The following EML6 variants were observed in gnomAD, a reference collection of about 807,000 sequenced individuals.
EML6 encodes the protein EMAP like 6.
A neutral mutation model predicts 240.1 loss-of-function variants in EML6; 154 were observed. That is an observed-to-expected ratio of 0.64 (90% confidence interval 0.56 to 0.73). EML6 has a LOEUF of 0.73. EML6 is among the 30% of genes least tolerant of loss of function. The pLI, the probability that EML6 is intolerant of heterozygous loss-of-function variation, is 0.00. For missense variants in EML6, 2,964 were observed against 2,474.6 expected, an observed-to-expected ratio of 1.20 and a Z score of -4.20; for synonymous variants, 1,148 against 899.0, an observed-to-expected ratio of 1.28 and a Z score of -4.95.
chr2:54,805,947 T>C (rs894968563), intron 2 of EML6, among the ~76,000 whole-genome samples: 1 of 152,184 alleles, frequency 6.6e-6, no homozygotes. Context: ...TTGCTGGAAA[T>C]GAGTTGATCA....
At chr2:54,953,859 C>T in intron 31 of EML6, 124 bp from the exon 32 acceptor site, 1 of 780,612 alleles carries the variant, frequency 1.3e-6, no homozygotes, top group East Asian at 2.7e-5. Flanking sequence ...TGCACTCTGG[C>T]CTGGGCAACA....
chr2:54,894,547 A>C (rs1266483096), intron 19 of EML6, among the ~76,000 whole-genome samples: 1 of 152,172 alleles, frequency 6.6e-6, no homozygotes, highest in Non-Finnish European at 1.5e-5. Flanking sequence ...ATTTGGTCAG[A>C]GTATGTGAGA....
At chr2:54,910,594 A>C (rs1369780437) in intron 24 of EML6, among the ~76,000 whole-genome samples, 1 of 152,228 alleles carries the variant, frequency 6.6e-6, no homozygotes, top group Non-Finnish European at 1.5e-5. Flanking sequence ...ATTCTTGCCA[A>C]CACAGTTTGC....
intron 13 of EML6, among the ~76,000 whole-genome samples, chr2:54,865,876 A>G (rs13004573): frequency 0.064 from 9,700 of 152,326 alleles, 385 homozygotes; most frequent in East Asian, 0.23. Context: ...TTTGAAGCCC[A>G]CAGAGGTTAT....
intron 2 of EML6, among the ~76,000 whole-genome samples, chr2:54,761,495 G>A (rs894376106): frequency 6.6e-6 from 1 of 152,044 alleles, no homozygotes; most frequent in Admixed American, 6.6e-5. Context: ...ATATGTGAAT[G>A]TAATTAAATT....
Position 54,871,440 on chromosome 2 carries a change from A to G in EML6, c.2239-60A>G, listed in dbSNP as rs761885098. 243 of 1,332,262 alleles carry G rather than the reference A, an allele frequency of 1.8e-4. 1 individual carries two copies. Among genetic ancestry groups the G allele is most frequent in the Non-Finnish European group, 2.2e-4 (209 of 947,252 alleles). The allele number at this position is 1,332,262 out of a possible 1,614,324, so 82.5% of individuals were successfully genotyped here. ...TTCTGAGCAGTGTTGGACTCTAAGG[A>G]ACAAAATCATTGTTAGTATAACGTG... On this transcript the variant is annotated intron_variant, in intron 15 of 41. Coordinates refer to ENST00000356458, the MANE Select transcript of EML6 (RefSeq NM_001039753.4).
chr2:54,786,819 T>G (rs954990677), intron 2 of EML6, among the ~76,000 whole-genome samples: 4 of 152,252 alleles, frequency 2.6e-5, no homozygotes, highest in Non-Finnish European at 4.4e-5. Flanking sequence ...TCGGAATTCA[T>G]TCCCACACAG....
chr2:54,816,157 C>G (rs932103326), intron 3 of EML6, among the ~76,000 whole-genome samples: 1 of 152,096 alleles, frequency 6.6e-6, no homozygotes, highest in Non-Finnish European at 1.5e-5. Context: ...ATGACTGTTG[C>G]CTGTTTTTCA....
rs1668793808 is a variant in EML6, at chr2:54,780,245, T to C, written c.198-32987T>C. Among the ~76,000 whole-genome samples the C allele has an allele frequency of 3.3e-5, 5 of 152,202 alleles. No individual in the cohort carries two copies. In the South Asian group the frequency reaches 1.0e-3, roughly 32 times the overall value. ...ATATCTATTGAAATGTAATTAGAAA[T>C]GAATAATTAGTTAGATATGATAAAA... is the stretch of plus-strand genomic sequence containing the variant. On this transcript the variant is annotated intron_variant, in intron 2 of 41. Coordinates refer to ENST00000356458, the MANE Select transcript of EML6 (RefSeq NM_001039753.4).
In EML6 at chr2:54,952,640, CACAGTGAACCAGCACCCCAAGT is replaced by C; in HGVS notation, c.4265_4286del (p.Val1422GlufsTer9). ...AGCACACAGATGACATCCTCTGTCTCACAGTGAACCAGCACCCCAAGTACAGAAACGTGGTGGCCACCAGCCA... is the reference window on the plus strand; with the variant it reads ...AGCACACAGATGACATCCTCTGTCTCACAGAAACGTGGTGGCCACCAGCCA... On this transcript the variant is annotated frameshift_variant, in exon 31 of 42. Transcript: ENST00000356458. LOFTEE classifies it high-confidence loss of function. 3.9e-6 allele frequency: 6 copies of C among 1,551,490 alleles called. No individual in the cohort carries two copies. Among genetic ancestry groups the C allele is most frequent in the Non-Finnish European group, 5.2e-6 (6 of 1,146,938 alleles).
intron 26 of EML6, among the ~76,000 whole-genome samples, chr2:54,920,167 A>C (rs1200818256): frequency 6.6e-6 from 1 of 152,164 alleles, no homozygotes; most frequent in Non-Finnish European, 1.5e-5. Flanking sequence ...GGAAGGAAAT[A>C]ATAAAGATTA....
In EML6 at chr2:54,833,820, A is replaced by G. The variant is rs150006457; in HGVS notation, c.847+4343A>G. ...TATAAACCAACAACCTAATTCACCC[A>G]GGATCCTTCATCTGCAATTCTCAAA... is the stretch of plus-strand genomic sequence containing the variant. On this transcript the variant is annotated intron_variant, in intron 7 of 41. Coordinates refer to ENST00000356458, the MANE Select transcript of EML6 (RefSeq NM_001039753.4). Among the ~76,000 whole-genome samples the G allele has an allele frequency of 5.1e-3, 778 of 152,348 alleles. 5 individuals carry two copies. The highest frequency in any genetic ancestry group is 7.0e-3 in the Non-Finnish European group (475 of 68,028).
intron 19 of EML6, among the ~76,000 whole-genome samples, chr2:54,893,640 C>G (rs1427089605): frequency 6.6e-6 from 1 of 152,222 alleles, no homozygotes; most frequent in Non-Finnish European, 1.5e-5. Flanking sequence ...CAAATATCAA[C>G]TTCTTTTCAG....
chr2:54,770,429 C>T (rs924732237), intron 2 of EML6, among the ~76,000 whole-genome samples: 4 of 152,202 alleles, frequency 2.6e-5, no homozygotes, highest in African/African-American at 9.7e-5. Context: ...AACTCTACTG[C>T]ATTTGGTCAT....
chr2:54,859,046 T>C (rs10188555), intron 11 of EML6, among the ~76,000 whole-genome samples: 74,067 of 151,978 alleles, frequency 0.49, 18,369 homozygotes, highest in Middle Eastern at 0.54. Flanking sequence ...GCTTTTTCTA[T>C]TGCACTCACT....
intron 15 of EML6, among the ~76,000 whole-genome samples, chr2:54,871,053 G>T (rs1317852950): frequency 2.0e-5 from 3 of 152,162 alleles, no homozygotes; most frequent in Admixed American, 2.0e-4. Context: ...TTATTTCCCA[G>T]GGGGAGAAGC....
chr2:54,959,371 T>C, intron 34 of EML6, 110 bp downstream of exon 34: 5 of 1,098,282 alleles, frequency 4.6e-6, no homozygotes, highest in Non-Finnish European at 6.4e-6. Flanking sequence ...CTCCTATCTT[T>C]TTTGCATTAG....
At chr2:54,754,890 A>G (rs1684331639) in intron 2 of EML6, among the ~76,000 whole-genome samples, 1 of 152,260 alleles carries the variant, frequency 6.6e-6, no homozygotes, top group South Asian at 2.1e-4. Flanking sequence ...GCTACTGGCC[A>G]CTTAAAATGT....
At position 54,916,796 on chromosome 2, in the gene EML6, TG is replaced by T; in HGVS notation, c.3540del (p.Thr1182ProfsTer12). ...GAGTGGGACACATGGACCTGTGTCC[TG>T]GGGCCCACCTGTGAGGGAATCTGGC... ...KIEWDTWTCVLGPTCEGIWPA... is the reference protein window; with the variant it reads ...KIEWDTWTCVXGPTCEGIWPA... On this transcript the variant is annotated frameshift_variant, in exon 26 of 42. Transcript: ENST00000356458. LOFTEE classifies it high-confidence loss of function. 1 of 1,543,824 alleles carries T rather than the reference TG, an allele frequency of 6.5e-7. No homozygotes were observed. Among genetic ancestry groups the T allele is most frequent in the Non-Finnish European group, 8.8e-7 (1 of 1,140,854 alleles).
Sources: gnomAD v4.1 joint callset for allele counts (sites outside exome capture counted in the v4.1 genomes callset) on GRCh38, gnomAD v4.1.1 for gene constraint, MANE v1.5 for transcripts, NCBI Gene and HGNC (gene_info 2026-07-23, HGNC 2026-07-21) for gene names.